MPDU1: variants seen among roughly 807,000 people sequenced by gnomAD.
MPDU1 encodes mannose-P-dolichol utilization defect 1.
MPDU1 carries 18 observed loss-of-function variants against 27.6 expected under a neutral mutation model. The ratio of observed to expected loss-of-function variants is 0.65; its 90% CI spans 0.45 to 0.97. MPDU1 has a LOEUF of 0.97. Ranked by LOEUF, MPDU1 falls within the 50% of genes least tolerant of loss-of-function variation. The probability of loss-of-function intolerance (pLI) is 0.00; values close to 1 mark genes in which losing one functional copy is unlikely to be tolerated. For missense variants in MPDU1, 279 were observed against 297.4 expected (o/e 0.94, Z 0.46); for synonymous variants, 142 against 131.1 (o/e 1.08, Z -0.57).
Position 7,586,814 on chromosome 17 carries a change from C to T in MPDU1, c.388+37C>T. 3.1e-6 allele frequency: 5 copies of T among 1,612,236 alleles called. No homozygotes were observed. The South Asian group carries it at 3.3e-5, about 11-fold the overall frequency. On this transcript the variant is annotated intron_variant, in intron 4 of 6. Coordinates refer to ENST00000250124, the MANE Select transcript of MPDU1 (RefSeq NM_004870.4). ...TTACCCAAGAGCAGGCTGTGTGGTT[C>T]CTGGGAACCCTGCTGGGAACTCAGG...
chr17:7,585,883 C>G, intron 2 of MPDU1, 63 bp from the exon 3 acceptor site: 5 of 1,612,532 alleles, frequency 3.1e-6, no homozygotes, highest in Non-Finnish European at 4.2e-6. Context: ...CGTTCTATAG[C>G]TGTTGTGTTG....
At chr17:7,587,311 C>G in intron 6 of MPDU1, 40 bp downstream of exon 6, 2 of 1,612,604 alleles carry the variant, frequency 1.2e-6, no homozygotes, top group Non-Finnish European at 1.7e-6. Context: ...ACTAAAACCT[C>G]GTCTTACTTC....
In MPDU1 at chr17:7,587,005, G is replaced by A; in HGVS notation, c.495G>A (p.Val165=). Residue 165 remains valine, a synonymous_variant, in exon 5 of 7, where the codon GTG becomes GTA. Transcript: ENST00000250124. The part of the protein sequence containing the change: ...TLLQASNVPA[V]VVGRLLQAAT... ...TCCAGGCCTCCAATGTGCCTGCTGT[G>A]GTGGTGGGGAGGGTGGGTACCAGGA... The A allele has an allele frequency of 6.2e-7, 1 of 1,613,116 alleles. No individual in the cohort carries two copies.
chr17:7,584,212 G>A (rs1409539379), intron 1 of MPDU1: 2 of 600,856 alleles, frequency 3.3e-6, no homozygotes, highest in African/African-American at 1.9e-5. Context: ...AATGAAAAAC[G>A]AAGAGTCAAC....
chr17:7,584,248 G>A (rs1220849964), intron 1 of MPDU1: 35 of 595,810 alleles, frequency 5.9e-5, no homozygotes. Context: ...TAAAAATTAA[G>A]TCAAATCATG....
At position 7,586,028 on chromosome 17, in the gene MPDU1, G is replaced by A; in HGVS notation, c.252G>A (p.Val84=). 1 of 1,614,070 alleles carries A rather than the reference G, an allele frequency of 6.2e-7. No individual in the cohort carries two copies. The change falls in exon 3 of 7, where the codon GTG becomes GTA. Residue 84 remains valine (V), a synonymous_variant. Coordinates refer to ENST00000250124, the MANE Select transcript of MPDU1 (RefSeq NM_004870.4). The part of the protein sequence containing the change: ...LSLQSVMLEL[V]ALTGTMVYSI... ...TCCAGTCTGTAATGCTGGAGCTAGT[G>A]GCATTGACTGGGACCATGGTCTACA...
At chr17:7,586,576 TG>T in intron 3 of MPDU1, 115 bp from the exon 4 acceptor site, 1 of 911,380 alleles carries the variant, frequency 1.1e-6, no homozygotes. Flanking sequence ...CAGTCCCGTG[TG>T]GGGGCTGTAG....
At chr17:7,586,573 G>A (rs983642833) in intron 3 of MPDU1, 119 bp from the exon 4 acceptor site, 19 of 890,952 alleles carry the variant, frequency 2.1e-5, no homozygotes, top group Non-Finnish European at 2.6e-5. Flanking sequence ...AGCCAGTCCC[G>A]TGTGGGGGCT....
Position 7,587,837 on chromosome 17 carries a change from T to G in MPDU1, c.*286T>G, listed in dbSNP as rs2071610756. ...TCAGTCATTCAGCCAAGCCTCCTCCTCTAGCAGCAATTTCCAGCTGTGTAA... is the reference window on the plus strand; with the variant it reads ...TCAGTCATTCAGCCAAGCCTCCTCCGCTAGCAGCAATTTCCAGCTGTGTAA... On this transcript the variant is annotated 3_prime_UTR_variant, in exon 7 of 7. Transcript: ENST00000250124. The G allele has an allele frequency of 1.8e-6, 1 of 550,396 alleles. No homozygotes were observed. Among genetic ancestry groups the G allele is most frequent in the Non-Finnish European group, 3.5e-6 (1 of 289,634 alleles). 34.1% of individuals were successfully genotyped at this position (550,396 alleles called of 1,614,324 possible).
At chr17:7,587,067 G>GGGGTA in intron 5 of MPDU1, 50 bp downstream of exon 5, 2 of 1,041,362 alleles carry the variant, frequency 1.9e-6, no homozygotes, top group Non-Finnish European at 2.9e-6. Flanking sequence ...GGGTGGGGGG[G>GGGGTA]AAGAGTAGAA....
Position 7,586,017 on chromosome 17 carries a change from C to A in MPDU1, c.241C>A (p.Leu81Met). 1.2e-6 allele frequency: 2 copies of A among 1,614,098 alleles called. No homozygotes were observed. Among genetic ancestry groups the A allele is most frequent in the Non-Finnish European group, 1.7e-6 (2 of 1,180,018 alleles). ...AEGLSLQSVMLELVALTGTMV... is the reference protein window; with the variant it reads ...AEGLSLQSVMMELVALTGTMV... ...AGGGTTGAGTCTCCAGTCTGTAATG[C>A]TGGAGCTAGTGGCATTGACTGGGAC... Residue 81 changes from leucine (L) to methionine (M), a missense_variant, in exon 3 of 7, where the codon CTG becomes ATG. Leu to Met is a conservative substitution (Grantham distance 15). Transcript: ENST00000250124.
intron 1 of MPDU1, among the ~76,000 whole-genome samples, chr17:7,584,719 C>T (rs1371474129): frequency 2.0e-5 from 3 of 152,180 alleles, no homozygotes; most frequent in Non-Finnish European, 4.4e-5. Flanking sequence ...GGGGCGGGCA[C>T]GGTGGCTCAC....
upstream of MPDU1, chr17:7,583,787 C>A (rs752049478): frequency 6.8e-7 from 1 of 1,462,716 alleles, no homozygotes; most frequent in Admixed American, 1.7e-5. Flanking sequence ...GAACGGGAGG[C>A]GGAGTGTCCG....
upstream of MPDU1, chr17:7,583,836 G>A: frequency 6.2e-7 from 1 of 1,611,534 alleles, no homozygotes; most frequent in East Asian, 2.2e-5. Flanking sequence ...GCGGTCTGGA[G>A]AGACTGGCGG....
In MPDU1 at chr17:7,588,082, C is replaced by T. The variant is rs2071615638; in HGVS notation, c.*531C>T. Reference sequence around the variant, plus strand: ...GGCCCCAGGGTGGGGTGAGGAGGTTCCTGCTCTGGCAGGTCTAGGCGGAAG... The same window carrying T: ...GGCCCCAGGGTGGGGTGAGGAGGTTTCTGCTCTGGCAGGTCTAGGCGGAAG... On this transcript the variant is annotated 3_prime_UTR_variant, in exon 7 of 7. Coordinates refer to ENST00000250124, the MANE Select transcript of MPDU1 (RefSeq NM_004870.4). 3.5e-6 allele frequency: 2 copies of T among 570,578 alleles called. No homozygotes were observed. Among genetic ancestry groups the T allele is most frequent in the Non-Finnish European group, 6.6e-6 (2 of 302,370 alleles). 35.3% of individuals were successfully genotyped at this position (570,578 alleles called of 1,614,324 possible).
rs1163259792 is a variant in MPDU1 at position 7,587,643 on chromosome 17, C to T, written c.*92C>T. 2 of 1,546,064 alleles carry T rather than the reference C, an allele frequency of 1.3e-6. No homozygotes were observed. The highest frequency in any genetic ancestry group is 1.8e-6 in the Non-Finnish European group (2 of 1,121,264). On this transcript the variant is annotated 3_prime_UTR_variant, in exon 7 of 7. Transcript: ENST00000250124. ...CAGCCTGCTGGTGTGACTTACTCATCCTCCATTCCTCTGCACTTGCAGACT... is the reference window on the plus strand; with the variant it reads ...CAGCCTGCTGGTGTGACTTACTCATTCTCCATTCCTCTGCACTTGCAGACT...
rs942239844 is a variant in MPDU1, at chr17:7,586,242, T to C, written c.302+164T>C. 3 of 795,738 alleles carry C rather than the reference T, an allele frequency of 3.8e-6. No homozygotes were observed. The African/African-American group carries it at 5.1e-5, about 14-fold the overall frequency. 49.3% of individuals were successfully genotyped at this position (795,738 alleles called of 1,614,324 possible). On this transcript the variant is annotated intron_variant, in intron 3 of 6. Transcript: ENST00000250124. ...GGGTGGATCACCTGAGGTCAGGAGT[T>C]CGAACTGGCCAACATGGTGAAACCC...
intron 3 of MPDU1, 107 bp downstream of exon 3, chr17:7,586,185 C>T (rs2071579612): frequency 4.3e-6 from 6 of 1,396,466 alleles, no homozygotes; most frequent in Admixed American, 3.9e-5. Flanking sequence ...GTGGCTTGCA[C>T]CTGTAACCCC....
chr17:7,586,858 T>C lies in MPDU1; in HGVS notation c.389-41T>C, dbSNP rs779865966. On this transcript the variant is annotated intron_variant, in intron 4 of 6. Coordinates refer to ENST00000250124, the MANE Select transcript of MPDU1 (RefSeq NM_004870.4). Reference sequence around the variant, plus strand: ...ACTCAGGTCTGGGAAAGCCAAATGATGTGGAGAGATTGACAAGGACTCCTG... The same window carrying C: ...ACTCAGGTCTGGGAAAGCCAAATGACGTGGAGAGATTGACAAGGACTCCTG... 2.3e-5 allele frequency: 37 copies of C among 1,610,448 alleles called. No homozygotes were observed. In the Middle Eastern group the frequency reaches 5.0e-4, roughly 22 times the overall value.
Sources: gnomAD v4.1 joint callset for allele counts (sites outside exome capture counted in the v4.1 genomes callset) on GRCh38, gnomAD v4.1.1 for gene constraint, MANE v1.5 for transcripts, NCBI Gene and HGNC (gene_info 2026-07-23, HGNC 2026-07-21) for gene names.